Variants in RAD51B observed in about 807,000 individuals in gnomAD.
RAD51B encodes the protein DNA repair protein RAD51 homolog 2.
Under a neutral mutation model 42.2 loss-of-function variants are expected in RAD51B, and 38 were observed. The observed-to-expected ratio is 0.90, with a 90% CI of 0.70 to 1.18. RAD51B has a LOEUF of 1.18. RAD51B is among the 50% of genes most tolerant of loss of function. The probability of loss-of-function intolerance (pLI) is 0.00; values close to 1 mark genes in which losing one functional copy is unlikely to be tolerated. For synonymous variants in RAD51B, 154 were observed against 145.2 expected, an observed-to-expected ratio of 1.06 and a Z score of -0.43; for missense variants, 373 against 400.7, an observed-to-expected ratio of 0.93 and a Z score of 0.59.
At chr14:68,600,485 T>C (rs6573844), downstream of RAD51B, among the ~76,000 whole-genome samples, 52,580 of 151,938 alleles carry the variant, frequency 0.35, 9,509 homozygotes, top group Non-Finnish European at 0.39. Context: ...GGCTGGGTAT[T>C]GGCAGCCCAC....
intron 7 of RAD51B, among the ~76,000 whole-genome samples, chr14:68,201,608 T>C (rs1304022783): frequency 2.0e-5 from 3 of 152,200 alleles, no homozygotes; most frequent in African/African-American, 4.8e-5. Flanking sequence ...TTTCATACCA[T>C]GTTTCTCCTA....
At chr14:67,825,646 G>T in intron 3 of RAD51B, 69 bp downstream of exon 3, 1 of 1,183,538 alleles carries the variant, frequency 8.4e-7, no homozygotes, top group Admixed American at 2.5e-5. Context: ...TTTTTTTAGG[G>T]ATGAGGCACA....
intron 7 of RAD51B, among the ~76,000 whole-genome samples, chr14:68,162,937 G>A (rs1186926413): frequency 6.6e-6 from 1 of 152,216 alleles, no homozygotes; most frequent in Non-Finnish European, 1.5e-5. Context: ...AATGAAAGCA[G>A]AAGAATGCGT....
At chr14:68,008,945 C>T (rs1245569582) in intron 7 of RAD51B, among the ~76,000 whole-genome samples, 2 of 151,988 alleles carry the variant, frequency 1.3e-5, no homozygotes, top group Admixed American at 6.6e-5. Context: ...TAGAGATACG[C>T]AGCAGGCCCA....
At chr14:68,682,058 T>TA (rs910708085) in intron 11 of RAD51B, among the ~76,000 whole-genome samples, 1 of 151,760 alleles carries the variant, frequency 6.6e-6, no homozygotes, top group Non-Finnish European at 1.5e-5. Context: ...ATATTAACAT[T>TA]AAAAAAAAGA....
At chr14:68,591,570 G>A (rs2140078372) in intron 10 of RAD51B, among the ~76,000 whole-genome samples, 1 of 152,344 alleles carries the variant, frequency 6.6e-6, no homozygotes, top group East Asian at 1.9e-4. Context: ...TGATGGGTCT[G>A]ATGCTCTTCT....
At chr14:68,134,040 T>C (rs1479042416) in intron 7 of RAD51B, among the ~76,000 whole-genome samples, 2 of 152,138 alleles carry the variant, frequency 1.3e-5, no homozygotes, top group Non-Finnish European at 2.9e-5. Flanking sequence ...GAATAACCAC[T>C]AGCATCCATC....
At chr14:68,139,651 A>C (rs2078084723) in intron 7 of RAD51B, among the ~76,000 whole-genome samples, 1 of 152,208 alleles carries the variant, frequency 6.6e-6, no homozygotes, top group African/African-American at 2.4e-5. Context: ...ATCCCATCCC[A>C]CAATTTCTCC....
intron 10 of RAD51B, among the ~76,000 whole-genome samples, chr14:68,555,514 G>A (rs961976511): frequency 3.9e-5 from 6 of 152,098 alleles, no homozygotes; most frequent in Non-Finnish European, 8.8e-5. Context: ...CTGGAAACAG[G>A]CATGTGGGAC....
chr14:68,610,241 TCTC>T (rs1002223317), intron 10 of RAD51B, among the ~76,000 whole-genome samples: 19 of 152,304 alleles, frequency 1.2e-4, no homozygotes, highest in Non-Finnish European at 2.4e-4. Context: ...ATCTCTTTCT[TCTC>T]TGTCTCCCTG....
At chr14:68,194,948 A>G (rs1380095167) in intron 7 of RAD51B, among the ~76,000 whole-genome samples, 2 of 152,168 alleles carry the variant, frequency 1.3e-5, no homozygotes, top group African/African-American at 4.8e-5. Flanking sequence ...ATTTTCTCCT[A>G]AGACCACTTT....
chr14:67,872,524 T>C (rs1293521518), intron 5 of RAD51B, among the ~76,000 whole-genome samples: 43 of 142,496 alleles, frequency 3.0e-4, no homozygotes, highest in African/African-American at 1.0e-3. Context: ...CAAGGTAATT[T>C]ACAGATTCAA....
At chr14:68,680,612 G>A (rs1286859086) in intron 11 of RAD51B, among the ~76,000 whole-genome samples, 2 of 152,022 alleles carry the variant, frequency 1.3e-5, no homozygotes, top group Non-Finnish European at 2.9e-5. Context: ...AGCCCAGATG[G>A]GTCCCATGCT....
chr14:68,128,584 C>T (rs1233157398), intron 7 of RAD51B, among the ~76,000 whole-genome samples: 6 of 152,030 alleles, frequency 3.9e-5, no homozygotes, highest in East Asian at 1.9e-4. Flanking sequence ...CCCAGCTACA[C>T]GGGAGGCTGA....
chr14:68,653,373 TTCAAAAAAACAAA>T (rs143977628), intron 11 of RAD51B, among the ~76,000 whole-genome samples: 28,965 of 152,010 alleles, frequency 0.19, 2,933 homozygotes, highest in Admixed American at 0.23. Flanking sequence ...GACCCTGTCT[TTCAAAAAAACAAA>T]GCCAAAAAAC....
rs57931730 is a variant in RAD51B at position 68,304,992 on chromosome 14, G to A, written c.853+13012G>A. Among the ~76,000 whole-genome samples the A allele has an allele frequency of 1.1e-4, 17 of 152,182 alleles. No homozygotes were observed. The East Asian group carries it at 3.1e-3, about 28-fold the overall frequency. On this transcript the variant is annotated intron_variant, in intron 8 of 10. Transcript: ENST00000471583. ...ATAACCCATCATTTTTTAGCATATT[G>A]CCCCAAAGTATGGAAAATTGCTGCC...
At chr14:68,166,490 GTTATT>G (rs1224942126) in intron 7 of RAD51B, among the ~76,000 whole-genome samples, 1 of 152,054 alleles carries the variant, frequency 6.6e-6, no homozygotes, top group African/African-American at 2.4e-5. Flanking sequence ...TTCAGAAAGA[GTTATT>G]TTGTTATCTG....
In RAD51B at chr14:67,832,031, A is replaced by G. The variant is rs75019695; in HGVS notation, c.199-3049A>G. Among the ~76,000 whole-genome samples, 830 of 152,310 alleles carry G rather than the reference A, an allele frequency of 5.4e-3. 10 individuals carry two copies. The highest frequency in any genetic ancestry group is 0.019 in the African/African-American group (808 of 41,548). ...TCTACGTAAGGATGCCGACTGAAAT[A>G]TTTCTTATATCAAAAAATTGGAAAC... is the stretch of plus-strand genomic sequence containing the variant. On this transcript the variant is annotated intron_variant, in intron 3 of 10. Transcript: ENST00000471583.
chr14:68,632,198 T>C (rs7154244), intron 10 of RAD51B, among the ~76,000 whole-genome samples: 21,291 of 152,162 alleles, frequency 0.14, 1,670 homozygotes, highest in South Asian at 0.2. Context: ...TGGAGCCTTC[T>C]TGCCCATCTA....
Sources: gnomAD v4.1 joint callset for allele counts (sites outside exome capture counted in the v4.1 genomes callset) on GRCh38, gnomAD v4.1.1 for gene constraint, MANE v1.5 for transcripts, NCBI Gene and HGNC (gene_info 2026-07-23, HGNC 2026-07-21) for gene names.